The following ROBO2 variants were observed in gnomAD, a reference collection of about 807,000 sequenced individuals.
ROBO2 encodes roundabout homolog 2.
In ROBO2, 53 loss-of-function variants were observed where a neutral mutation model predicts 160.8. The observed-to-expected ratio is 0.33, with a 90% confidence interval of 0.26 to 0.41. The LOEUF (loss-of-function observed/expected upper bound fraction) is 0.41. Among genes scored for constraint, ROBO2 ranks in the 10% least tolerant of loss-of-function variants. ROBO2 has a pLI of 1.00. For synonymous variants in ROBO2, 664 were observed against 611.7 expected, an observed-to-expected ratio of 1.09 and a Z score of -1.26; for missense variants, 1,577 against 1,722.4, an observed-to-expected ratio of 0.92 and a Z score of 1.49.
At chr3:76,049,929 A>T (rs17013699) in intron 2 of ROBO2, among the ~76,000 whole-genome samples, 3,125 of 152,266 alleles carry the variant, frequency 0.021, 44 homozygotes, top group East Asian at 0.081. Flanking sequence ...TGTGCTGTAA[A>T]ATAACCCAAG....
chr3:76,574,162 A>G (rs2085140103), intron 2 of ROBO2, among the ~76,000 whole-genome samples: 1 of 152,150 alleles, frequency 6.6e-6, no homozygotes, highest in Admixed American at 6.6e-5. Context: ...AGAATTAAGC[A>G]TGAAAAACTA....
At chr3:77,433,805 C>T (rs2079028465) in intron 2 of ROBO2, among the ~76,000 whole-genome samples, 1 of 151,870 alleles carries the variant, frequency 6.6e-6, no homozygotes, top group Non-Finnish European at 1.5e-5. Flanking sequence ...ATACATCCAC[C>T]ATCCATGAAA....
intron 2 of ROBO2, among the ~76,000 whole-genome samples, chr3:77,121,477 T>C (rs768477868): frequency 1.2e-4 from 18 of 152,320 alleles, no homozygotes; most frequent in South Asian, 4.1e-4. Flanking sequence ...GGAAATACAA[T>C]TGGATTTTGC....
chr3:77,402,953 T>C lies in ROBO2; in HGVS notation c.389-74461T>C, dbSNP rs79889020. Among the ~76,000 whole-genome samples the C allele has an allele frequency of 3.8e-3, 584 of 152,286 alleles. 3 individuals carry two copies. Among genetic ancestry groups the C allele is most frequent in the Middle Eastern group, 0.02 (6 of 294 alleles). On this transcript the variant is annotated intron_variant, in intron 2 of 25. Coordinates refer to ENST00000461745, the Ensembl canonical transcript of ROBO2. Reference sequence around the variant, plus strand: ...CTCTAAAGCTTCCCTGAGACTCTCCTTCTGCCTTATGCCCCTCAGTTGAAT... The same window carrying C: ...CTCTAAAGCTTCCCTGAGACTCTCCCTCTGCCTTATGCCCCTCAGTTGAAT...
intron 2 of ROBO2, among the ~76,000 whole-genome samples, chr3:76,660,829 C>G (rs967231330): frequency 6.6e-6 from 1 of 152,136 alleles, no homozygotes; most frequent in Non-Finnish European, 1.5e-5. Flanking sequence ...AAAGAATTTA[C>G]AGCTATTGAA....
intron 2 of ROBO2, among the ~76,000 whole-genome samples, chr3:77,285,839 G>C (rs546482941): frequency 6.6e-6 from 1 of 152,238 alleles, no homozygotes; most frequent in Admixed American, 6.5e-5. Flanking sequence ...AGATAGGTTT[G>C]AGTAGCAAGA....
At chr3:76,859,616 C>T (rs1158382452) in intron 2 of ROBO2, among the ~76,000 whole-genome samples, 1 of 152,304 alleles carries the variant, frequency 6.6e-6, no homozygotes, top group South Asian at 2.1e-4. Context: ...AGAGCCCCAC[C>T]ATCGGGGACC....
At chr3:75,906,751 C>T (rs1383075504) in exon 1 of ROBO2, 1 of 152,248 alleles carries the variant, frequency 6.6e-6, no homozygotes, top group Non-Finnish European at 1.5e-5. Context: ...GGAGGGAGCG[C>T]GGTAGCTGCA....
At chr3:77,293,807 C>G (rs1028204344) in intron 2 of ROBO2, among the ~76,000 whole-genome samples, 3 of 137,354 alleles carry the variant, frequency 2.2e-5, no homozygotes, top group Non-Finnish European at 4.5e-5. Context: ...GAGGCTAGAA[C>G]AGTAAAGACA....
At chr3:76,858,307 C>T (rs1427504172) in intron 2 of ROBO2, among the ~76,000 whole-genome samples, 1 of 152,150 alleles carries the variant, frequency 6.6e-6, no homozygotes, top group Non-Finnish European at 1.5e-5. Context: ...GAGCCTTTCT[C>T]TGTCACCCAG....
At chr3:76,386,390 A>G (rs2076891452) in intron 2 of ROBO2, among the ~76,000 whole-genome samples, 1 of 121,632 alleles carries the variant, frequency 8.2e-6, no homozygotes, top group African/African-American at 3.1e-5. Context: ...AGAAGTATTT[A>G]TTGAACACCT....
At chr3:77,163,144 T>A (rs907163715) in intron 2 of ROBO2, among the ~76,000 whole-genome samples, 4 of 152,164 alleles carry the variant, frequency 2.6e-5, no homozygotes, top group Non-Finnish European at 5.9e-5. Flanking sequence ...CCAAGGGTAT[T>A]ACTTTTGAGT....
At chr3:76,991,649 C>T (rs553380744) in intron 2 of ROBO2, among the ~76,000 whole-genome samples, 42 of 152,152 alleles carry the variant, frequency 2.8e-4, no homozygotes, top group African/African-American at 9.4e-4. Context: ...TATTCTTTAC[C>T]ATAGAAAATC....
At chr3:77,386,427 T>C (rs1351839693) in intron 2 of ROBO2, among the ~76,000 whole-genome samples, 2 of 152,136 alleles carry the variant, frequency 1.3e-5, no homozygotes, top group East Asian at 1.9e-4. Context: ...TAGAATGTAA[T>C]ACATTTAACT....
At chr3:77,497,663 A>G (rs986400170) in intron 5 of ROBO2, among the ~76,000 whole-genome samples, 1 of 152,126 alleles carries the variant, frequency 6.6e-6, no homozygotes, top group African/African-American at 2.4e-5. Flanking sequence ...CATTTTGCTT[A>G]TTAGTACTGT....
At chr3:77,210,063 G>A (rs1397719817) in intron 2 of ROBO2, among the ~76,000 whole-genome samples, 1 of 152,068 alleles carries the variant, frequency 6.6e-6, no homozygotes, top group East Asian at 1.9e-4. Flanking sequence ...TGTGGATTTG[G>A]TACTAAAGCT....
intron 5 of ROBO2, among the ~76,000 whole-genome samples, chr3:77,513,169 A>C (rs923223071): frequency 5.3e-5 from 8 of 151,948 alleles, no homozygotes; most frequent in Non-Finnish European, 8.8e-5. Flanking sequence ...GTTGGTAATA[A>C]AAATTTTAAT....
chr3:77,316,568 T>A (rs139201841), intron 2 of ROBO2, among the ~76,000 whole-genome samples: 234 of 152,308 alleles, frequency 1.5e-3, no homozygotes, highest in African/African-American at 5.4e-3. Context: ...GGATCTTTTT[T>A]GGAAATGGGT....
chr3:76,823,520 T>A (rs1465185056), intron 2 of ROBO2, among the ~76,000 whole-genome samples: 1 of 152,182 alleles, frequency 6.6e-6, no homozygotes, highest in Non-Finnish European at 1.5e-5. Context: ...ATATTTGGCC[T>A]GTGCTTTGTT....
Sources: gnomAD v4.1 joint callset for allele counts (sites outside exome capture counted in the v4.1 genomes callset) on GRCh38, gnomAD v4.1.1 for gene constraint, MANE v1.5 for transcripts, NCBI Gene and HGNC (gene_info 2026-07-23, HGNC 2026-07-21) for gene names.